The following SPESP1 variants were observed in gnomAD, a reference collection of about 807,000 sequenced individuals.
The protein encoded by SPESP1 is sperm equatorial segment protein 1.
A neutral mutation model predicts 3.1 loss-of-function variants in SPESP1; 1 was observed. The observed-to-expected ratio is 0.33, with a 90% CI of 0.12 to 1.54. The LOEUF is 1.54. Ranked by LOEUF, SPESP1 falls within the 40% of genes most tolerant of loss-of-function variation. SPESP1 has a pLI of 0.38. For missense variants in SPESP1, 398 were observed against 410.1 expected, an observed-to-expected ratio of 0.97 and a Z score of 0.26; for synonymous variants, 138 against 150.7, an observed-to-expected ratio of 0.92 and a Z score of 0.62.
At chr15:68,941,694 C>T (rs1249880268) in intron 1 of SPESP1, among the ~76,000 whole-genome samples, 4 of 152,056 alleles carry the variant, frequency 2.6e-5, no homozygotes, top group African/African-American at 9.7e-5. Context: ...GAATAATTGC[C>T]CCATGTCAAG....
At chr15:68,932,189 C>G (rs1895561073) in intron 1 of SPESP1, among the ~76,000 whole-genome samples, 1 of 152,094 alleles carries the variant, frequency 6.6e-6, no homozygotes, top group Non-Finnish European at 1.5e-5. Flanking sequence ...ATTACTAACA[C>G]CAGTTATTGC....
At chr15:68,932,171 T>C (rs1342731375) in intron 1 of SPESP1, among the ~76,000 whole-genome samples, 1 of 152,238 alleles carries the variant, frequency 6.6e-6, no homozygotes, top group Non-Finnish European at 1.5e-5. Context: ...TGATGTCTGA[T>C]GATCATTATT....
chr15:68,936,348 G>A (rs1436487207), intron 1 of SPESP1, among the ~76,000 whole-genome samples: 2 of 152,144 alleles, frequency 1.3e-5, no homozygotes, highest in African/African-American at 2.4e-5. Flanking sequence ...AGAAATGTAT[G>A]TGTATCTACA....
rs1895941453 is a variant in SPESP1, at chr15:68,945,726, TTATTC to T, written c.196_200del (p.Ala68LysfsTer6). 6.2e-6 allele frequency: 10 copies of T among 1,613,956 alleles called. No individual in the cohort carries two copies. The highest frequency in any genetic ancestry group is 8.5e-6 in the Non-Finnish European group (10 of 1,180,018). On this transcript the variant is annotated frameshift_variant, in exon 2 of 2. Transcript: ENST00000310673. LOFTEE classifies it low-confidence loss of function (END_TRUNC). ...AAAAATCTAACTCTCCAAAACATGT[TTATTC>T]TATAGCATCAAAGGGATCAAAATTT... is the stretch of plus-strand genomic sequence containing the variant.
At chr15:68,940,309 G>A (rs1895786349) in intron 1 of SPESP1, among the ~76,000 whole-genome samples, 1 of 152,094 alleles carries the variant, frequency 6.6e-6, no homozygotes, top group Admixed American at 6.6e-5. Context: ...CTTGGATTAT[G>A]TAGAAGCGAA....
At chr15:68,932,392 C>G (rs1362745817) in intron 1 of SPESP1, among the ~76,000 whole-genome samples, 1 of 151,284 alleles carries the variant, frequency 6.6e-6, no homozygotes, top group Admixed American at 6.6e-5. Flanking sequence ...CCTTTTCCCC[C>G]CCTTTTTTTT....
chr15:68,931,609 C>G (rs767438035), intron 1 of SPESP1, among the ~76,000 whole-genome samples: 1 of 152,216 alleles, frequency 6.6e-6, no homozygotes, highest in African/African-American at 2.4e-5. Context: ...TGCTTGCGCA[C>G]ACGGCATTCA....
At chr15:68,933,466 T>A (rs1251012655) in intron 1 of SPESP1, among the ~76,000 whole-genome samples, 1 of 152,172 alleles carries the variant, frequency 6.6e-6, no homozygotes, top group East Asian at 1.9e-4. Flanking sequence ...ATTTTTAAAT[T>A]TTTGAATGGG....
intron 1 of SPESP1, among the ~76,000 whole-genome samples, chr15:68,939,375 T>C (rs1213559208): frequency 3.9e-5 from 6 of 152,208 alleles, no homozygotes; most frequent in Non-Finnish European, 8.8e-5. Context: ...TTGTAAGAAT[T>C]TGAATTTTGT....
At chr15:68,941,757 A>G (rs8036102) in intron 1 of SPESP1, among the ~76,000 whole-genome samples, 9,967 of 152,252 alleles carry the variant, frequency 0.065, 389 homozygotes, top group East Asian at 0.18. Context: ...GGTAATATTT[A>G]CAGGTTCTAG....
chr15:68,934,882 T>C (rs1013523289), intron 1 of SPESP1, among the ~76,000 whole-genome samples: 6 of 152,160 alleles, frequency 3.9e-5, no homozygotes, highest in Admixed American at 2.0e-4. Flanking sequence ...TTGGAGCCAT[T>C]GTAAGCTGTC....
intron 1 of SPESP1, among the ~76,000 whole-genome samples, chr15:68,938,124 G>A (rs759564192): frequency 1.3e-5 from 2 of 152,116 alleles, no homozygotes; most frequent in African/African-American, 2.4e-5. Flanking sequence ...GGGACTACAG[G>A]TGCATGTCAC....
rs200301569 is a variant in SPESP1, at chr15:68,930,648, A to G, written c.-6A>G. The G allele has an allele frequency of 1.9e-6, 3 of 1,613,848 alleles. No homozygotes were observed. The highest frequency in any genetic ancestry group is 4.5e-5 in the East Asian group (2 of 44,848). ...GTCGCATGGCAGAGTGCTACGGACG[A>G]CGCCTATGAAGCCCTTAGTCCTTCT... On this transcript the variant is annotated 5_prime_UTR_variant, in exon 1 of 2. Coordinates refer to ENST00000310673, the MANE Select transcript of SPESP1 (RefSeq NM_145658.4).
chr15:68,940,671 G>T (rs1895797350), intron 1 of SPESP1, among the ~76,000 whole-genome samples: 1 of 151,028 alleles, frequency 6.6e-6, no homozygotes, highest in African/African-American at 2.4e-5. Flanking sequence ...CCCCCATGGT[G>T]TAGTTTAATA....
chr15:68,945,106 G>A lies in SPESP1; in HGVS notation c.65-493G>A, dbSNP rs1895926259. Among the ~76,000 whole-genome samples the A allele has an allele frequency of 2.0e-5, 3 of 152,076 alleles. No individual in the cohort carries two copies. In the South Asian group the frequency reaches 6.2e-4, roughly 32 times the overall value. On this transcript the variant is annotated intron_variant, in intron 1 of 1. Transcript: ENST00000310673. ...AAATAATTAGAAAGTGATGAGTTTG[G>A]GATATTTATTACCTTTGCTTTTAAT...
In SPESP1 at chr15:68,945,935, A is replaced by T; in HGVS notation, c.401A>T (p.His134Leu). Residue 134 changes from histidine to leucine, a missense_variant, in exon 2 of 2, where the codon CAT becomes CTT. His to Leu is a moderately conservative substitution (Grantham distance 99). Transcript: ENST00000310673. ...IKPNNVSIVL[H>L]AEEPYIENEE... Reference sequence around the variant, plus strand: ...CCAAACAATGTTTCCATTGTTTTGCATGCAGAGGAACCTTATATTGAAAAT... The same window carrying T: ...CCAAACAATGTTTCCATTGTTTTGCTTGCAGAGGAACCTTATATTGAAAAT... 6.2e-7 allele frequency: 1 copy of T among 1,614,164 alleles called. No individual in the cohort carries two copies. The highest frequency in any genetic ancestry group is 8.5e-7 in the Non-Finnish European group (1 of 1,180,026).
chr15:68,935,663 G>GT (rs1567062557), intron 1 of SPESP1, among the ~76,000 whole-genome samples: 1 of 152,242 alleles, frequency 6.6e-6, no homozygotes, highest in East Asian at 1.9e-4. Context: ...ATAGCAGGAA[G>GT]TGTAAAGCCA....
At position 68,945,991 on chromosome 15, in the gene SPESP1, G is replaced by T. The variant is rs1175067090; in HGVS notation, c.457G>T (p.Ala153Ser). 1 of 1,614,146 alleles carries T rather than the reference G, an allele frequency of 6.2e-7. No individual in the cohort carries two copies. The highest frequency in any genetic ancestry group is 2.2e-5 in the East Asian group (1 of 44,874). ...GCCAGAGCCAGAGCCGGAGCCAGCT[G>T]CAAAACAAACTGAGGCACCAAGAAT... ...EEPEPEPEPAAKQTEAPRMLP... is the reference protein window; with the variant it reads ...EEPEPEPEPASKQTEAPRMLP... Residue 153 changes from alanine to serine, a missense_variant, in exon 2 of 2, where the codon GCA becomes TCA. Ala to Ser is a moderately conservative substitution (Grantham distance 99). Coordinates refer to ENST00000310673, the MANE Select transcript of SPESP1 (RefSeq NM_145658.4).
At chr15:68,937,751 G>A (rs549334843) in intron 1 of SPESP1, among the ~76,000 whole-genome samples, 1 of 152,230 alleles carries the variant, frequency 6.6e-6, no homozygotes, top group South Asian at 2.1e-4. Context: ...ATATACACAT[G>A]CCAGTCCTAG....
Sources: gnomAD v4.1 joint callset for allele counts (sites outside exome capture counted in the v4.1 genomes callset) on GRCh38, gnomAD v4.1.1 for gene constraint, MANE v1.5 for transcripts, NCBI Gene and HGNC (gene_info 2026-07-23, HGNC 2026-07-21) for gene names.